Variants in SAMD12 observed in about 807,000 individuals in gnomAD.
The protein encoded by SAMD12 is sterile alpha motif domain-containing protein 12.
In SAMD12, 9 loss-of-function variants were observed where a neutral mutation model predicts 15.0. The observed-to-expected ratio is 0.60, with a 90% CI of 0.36 to 1.05. The LOEUF is 1.05. Ranked by LOEUF, SAMD12 falls within the 50% of genes least tolerant of loss-of-function variation. SAMD12 has a pLI of 0.01. For missense variants in SAMD12, 230 were observed against 234.2 expected, an observed-to-expected ratio of 0.98 and a Z score of 0.12; for synonymous variants, 86 against 90.1, an observed-to-expected ratio of 0.96 and a Z score of 0.25.
Position 118,573,097 on chromosome 8 carries a change from T to C in SAMD12, c.192+7618A>G, listed in dbSNP as rs530144425. Among the ~76,000 whole-genome samples the C allele has an allele frequency of 3.3e-5, 5 of 152,296 alleles. No individual in the cohort carries two copies. In the South Asian group the frequency reaches 8.3e-4, roughly 25 times the overall value. On this transcript the variant is annotated intron_variant, in intron 2 of 3. Transcript: ENST00000314727. Reference sequence around the variant, plus strand: ...AGTCAATTAAGCCTCTTTTCTTTTCTTTTTGAGGGGGAGTTTCACTATTGT... The same window carrying C: ...AGTCAATTAAGCCTCTTTTCTTTTCCTTTTGAGGGGGAGTTTCACTATTGT...
At chr8:118,403,581 T>C (rs1820975996) in intron 3 of SAMD12, among the ~76,000 whole-genome samples, 2 of 152,232 alleles carry the variant, frequency 1.3e-5, no homozygotes, top group African/African-American at 2.4e-5. Flanking sequence ...ATGATCCATA[T>C]ACACTTAGTA....
the SAMD12 span, among the ~76,000 whole-genome samples, chr8:118,177,544 A>G: frequency 6.6e-6 from 1 of 152,102 alleles, no homozygotes; most frequent in African/African-American, 2.4e-5. Context: ...GTGCCCAGCC[A>G]CCAGTGAGGA....
At chr8:118,201,473 GA>G (rs1264491053) in intron 4 of SAMD12, among the ~76,000 whole-genome samples, 2 of 152,084 alleles carry the variant, frequency 1.3e-5, no homozygotes, top group African/African-American at 4.8e-5. Flanking sequence ...AACCCACAAT[GA>G]ACACTTCAAT....
chr8:118,511,001 A>T (rs1418336661), intron 2 of SAMD12, among the ~76,000 whole-genome samples: 2 of 152,230 alleles, frequency 1.3e-5, no homozygotes, highest in African/African-American at 2.4e-5. Flanking sequence ...AAGTAAACTG[A>T]CTGTGACAGT....
chr8:118,320,928 C>CA (rs1816216603), intron 4 of SAMD12, among the ~76,000 whole-genome samples: 1 of 148,440 alleles, frequency 6.7e-6, no homozygotes, highest in Admixed American at 6.7e-5. Flanking sequence ...GTGATGAGTG[C>CA]AAACAAATGA....
At chr8:118,434,448 T>G (rs1388544520) in intron 3 of SAMD12, among the ~76,000 whole-genome samples, 1 of 152,148 alleles carries the variant, frequency 6.6e-6, no homozygotes, top group African/African-American at 2.4e-5. Flanking sequence ...TCTGGGGAGC[T>G]CTGAGTGCTT....
rs147720838 is a variant in SAMD12 at position 118,448,399 on chromosome 8, G to T, written c.193-8438C>A. Among the ~76,000 whole-genome samples the T allele has an allele frequency of 3.6e-3, 543 of 152,232 alleles. 3 individuals are homozygous for T. Among genetic ancestry groups the T allele is most frequent in the Middle Eastern group, 0.027 (8 of 294 alleles). ...GTCTCTTCCCACTGGCTTGCAACCT[G>T]CACAATGACAAGGGTCTTTCTTAAT... On this transcript the variant is annotated intron_variant, in intron 2 of 3. Coordinates refer to ENST00000314727, the MANE Select transcript of SAMD12 (RefSeq NM_207506.3).
chr8:118,217,251 C>T (rs879932203), intron 4 of SAMD12, among the ~76,000 whole-genome samples: 2 of 152,216 alleles, frequency 1.3e-5, no homozygotes, highest in African/African-American at 2.4e-5. Context: ...ATCTGCCCGC[C>T]TCGGCCTCCC....
At chr8:118,537,931 C>G (rs1825890810) in intron 2 of SAMD12, among the ~76,000 whole-genome samples, 1 of 152,148 alleles carries the variant, frequency 6.6e-6, no homozygotes, top group Non-Finnish European at 1.5e-5. Flanking sequence ...TTGTACTCAT[C>G]TTTCTTGGGA....
At chr8:118,279,047 T>C (rs1298209075) in intron 4 of SAMD12, among the ~76,000 whole-genome samples, 1 of 152,160 alleles carries the variant, frequency 6.6e-6, no homozygotes, top group Non-Finnish European at 1.5e-5. Flanking sequence ...TTATATAATC[T>C]GGGCATTCAG....
At chr8:118,376,116 A>G (rs963360356), downstream of SAMD12, among the ~76,000 whole-genome samples, 1 of 152,210 alleles carries the variant, frequency 6.6e-6, no homozygotes, top group African/African-American at 2.4e-5. Flanking sequence ...CCAAGAAACT[A>G]TATTTTGAAA....
At chr8:118,273,955 C>T (rs573179103) in intron 4 of SAMD12, among the ~76,000 whole-genome samples, 2 of 152,344 alleles carry the variant, frequency 1.3e-5, no homozygotes, top group Admixed American at 6.5e-5. Flanking sequence ...CTACTTTGTG[C>T]CCATCATTGC....
chr8:118,368,959 T>C (rs1054952176), intron 4 of SAMD12, among the ~76,000 whole-genome samples: 1 of 152,184 alleles, frequency 6.6e-6, no homozygotes, highest in Non-Finnish European at 1.5e-5. Context: ...CACTGGCAAG[T>C]CTTCCTTATC....
At chr8:118,232,334 T>G (rs1812330581) in intron 4 of SAMD12, among the ~76,000 whole-genome samples, 1 of 152,038 alleles carries the variant, frequency 6.6e-6, no homozygotes, top group Non-Finnish European at 1.5e-5. Context: ...GAGGGTAAAC[T>G]GGAGTTTACC....
intron 4 of SAMD12, among the ~76,000 whole-genome samples, chr8:118,282,555 G>T (rs1813701139): frequency 6.6e-6 from 1 of 152,274 alleles, no homozygotes; most frequent in African/African-American, 2.4e-5. Context: ...ATTAACCTCA[G>T]CAGTGAGTGC....
chr8:118,134,233 T>A, the SAMD12 span, among the ~76,000 whole-genome samples: 1 of 152,210 alleles, frequency 6.6e-6, no homozygotes, highest in Non-Finnish European at 1.5e-5. Flanking sequence ...ACCGACTGTC[T>A]CTGGGTTTCT....
chr8:118,371,650 GATATTTTA>G (rs1454813249), intron 4 of SAMD12, among the ~76,000 whole-genome samples: 3 of 152,118 alleles, frequency 2.0e-5, no homozygotes, highest in African/African-American at 7.2e-5. Flanking sequence ...GTTAGATTCA[GATATTTTA>G]AATTTGAGAT....
At chr8:118,537,524 C>T (rs543320176) in intron 2 of SAMD12, among the ~76,000 whole-genome samples, 9 of 152,244 alleles carry the variant, frequency 5.9e-5, no homozygotes, top group East Asian at 1.9e-4. Flanking sequence ...TGCAGGCTCA[C>T]GAATTCTTTC....
intron 4 of SAMD12, among the ~76,000 whole-genome samples, chr8:118,294,450 C>G (rs186025320): frequency 6.6e-6 from 1 of 152,198 alleles, no homozygotes; most frequent in Non-Finnish European, 1.5e-5. Context: ...CTTCACCAGT[C>G]GGGTTGGGAG....
Sources: gnomAD v4.1 joint callset for allele counts (sites outside exome capture counted in the v4.1 genomes callset) on GRCh38, gnomAD v4.1.1 for gene constraint, MANE v1.5 for transcripts, NCBI Gene and HGNC (gene_info 2026-07-23, HGNC 2026-07-21) for gene names.